SLMAP: variants seen among roughly 807,000 people sequenced by gnomAD.
The protein encoded by SLMAP is sarcolemma associated protein.
SLMAP carries 44 observed loss-of-function variants against 128.8 expected under a neutral mutation model. That is an observed-to-expected ratio of 0.34 (90% CI 0.27 to 0.44). The LOEUF is 0.44. SLMAP is among the 20% of genes least tolerant of loss of function. The probability of loss-of-function intolerance (pLI) is 1.00; values close to 1 mark genes in which losing one functional copy is unlikely to be tolerated. For missense variants in SLMAP, 787 were observed against 985.3 expected (o/e 0.80, Z 2.69); for synonymous variants, 327 against 348.8 (o/e 0.94, Z 0.70).
intron 2 of SLMAP, among the ~76,000 whole-genome samples, chr3:57,816,583 A>G (rs1457377609): frequency 6.6e-6 from 1 of 152,208 alleles, no homozygotes; most frequent in East Asian, 1.9e-4. Context: ...TTGCTTCTAC[A>G]TTTAAAGAAG....
At chr3:57,868,441 A>C (rs1255797997) in intron 13 of SLMAP, among the ~76,000 whole-genome samples, 1 of 150,476 alleles carries the variant, frequency 6.6e-6, no homozygotes, top group Non-Finnish European at 1.5e-5. Flanking sequence ...TTTTTTTTAA[A>C]TTAGTGAGGT....
Position 57,847,226 on chromosome 3 carries a change from T to C in SLMAP, c.449T>C (p.Val150Ala), listed in dbSNP as rs1387070533. The part of the protein sequence containing the change: ...DVIHAPLPSP[V>A]DKVAANTPSM... Reference sequence around the variant, plus strand: ...ATCCATGCACCATTACCAAGTCCTGTTGACAAAGTAAGTTGCTAATGATTA... The same window carrying C: ...ATCCATGCACCATTACCAAGTCCTGCTGACAAAGTAAGTTGCTAATGATTA... The change falls in exon 5 of 25, where the codon GTT (valine) becomes GCT (alanine). Residue 150 changes from valine to alanine, a missense_variant. Val to Ala is a moderately conservative substitution (Grantham distance 64, BLOSUM62 0). Around this residue, in one of 2 missense-constraint regions of SLMAP, gnomAD observed 715 missense variants for 843.6 expected, o/e 0.85. Transcript: ENST00000671191. 1 of 1,609,718 alleles carries C rather than the reference T, an allele frequency of 6.2e-7. No individual in the cohort carries two copies. Among genetic ancestry groups the C allele is most frequent in the Admixed American group, 1.7e-5 (1 of 59,692 alleles).
rs538470432 is a variant in SLMAP, at chr3:57,818,304, C to T, written c.199-13079C>T. Reference sequence around the variant, plus strand: ...CCTAGTAGCTGGGATTACAGGCATGCGCCACCACACCCAGCTAATTTTGTG... The same window carrying T: ...CCTAGTAGCTGGGATTACAGGCATGTGCCACCACACCCAGCTAATTTTGTG... On this transcript the variant is annotated intron_variant, in intron 2 of 24. Transcript: ENST00000671191. Among the ~76,000 whole-genome samples, 439 of 152,184 alleles carry T rather than the reference C, an allele frequency of 2.9e-3. 3 individuals are homozygous for T. The highest frequency in any genetic ancestry group is 9.2e-3 in the African/African-American group (382 of 41,514).
At chr3:57,824,538 C>G (rs2092776332) in intron 2 of SLMAP, among the ~76,000 whole-genome samples, 1 of 152,094 alleles carries the variant, frequency 6.6e-6, no homozygotes, top group African/African-American at 2.4e-5. Flanking sequence ...ATTGAATGGA[C>G]TTTGAAAATC....
chr3:57,855,326 C>T (rs914463181), intron 6 of SLMAP, among the ~76,000 whole-genome samples: 3 of 151,036 alleles, frequency 2.0e-5, no homozygotes, highest in African/African-American at 4.9e-5. Flanking sequence ...TGCAGTAAGC[C>T]GAGATCACAC....
intron 2 of SLMAP, chr3:57,800,617 C>T (rs1227573178): frequency 6.5e-6 from 1 of 152,892 alleles, no homozygotes. Context: ...TCTGCAGCTT[C>T]ATCAGTATGG....
At chr3:57,848,559 T>C (rs936797367) in intron 5 of SLMAP, among the ~76,000 whole-genome samples, 1 of 143,054 alleles carries the variant, frequency 7.0e-6, no homozygotes. Context: ...CCTCCCTCCT[T>C]CTCCTTTTTC....
At chr3:57,798,667 G>A (rs2087391384) in intron 2 of SLMAP, among the ~76,000 whole-genome samples, 1 of 152,170 alleles carries the variant, frequency 6.6e-6, no homozygotes, top group Non-Finnish European at 1.5e-5. Context: ...TTGATGCATA[G>A]ATGTTATTTA....
intron 2 of SLMAP, among the ~76,000 whole-genome samples, chr3:57,768,009 A>G (rs926594923): frequency 2.0e-5 from 3 of 152,212 alleles, no homozygotes; most frequent in African/African-American, 7.2e-5. Context: ...CTAGAAATAC[A>G]ATATTTTTTC....
intron 2 of SLMAP, among the ~76,000 whole-genome samples, chr3:57,765,970 GC>G (rs1257874489): frequency 6.7e-6 from 1 of 148,750 alleles, no homozygotes; most frequent in Non-Finnish European, 1.5e-5. Flanking sequence ...TTCACTCTTT[GC>G]CCTTTTAGGC....
At chr3:57,836,430 C>T (rs948280875) in intron 3 of SLMAP, among the ~76,000 whole-genome samples, 4 of 152,082 alleles carry the variant, frequency 2.6e-5, no homozygotes, top group Non-Finnish European at 5.9e-5. Flanking sequence ...GTAACATGAG[C>T]CTAATACCAC....
chr3:57,828,827 T>G (rs1478411651), intron 2 of SLMAP, among the ~76,000 whole-genome samples: 1 of 152,134 alleles, frequency 6.6e-6, no homozygotes, highest in East Asian at 1.9e-4. Context: ...TTGCTCAGGC[T>G]GGAGTATAGT....
chr3:57,792,715 TA>T (rs976473663), intron 2 of SLMAP, among the ~76,000 whole-genome samples: 2 of 152,100 alleles, frequency 1.3e-5, no homozygotes, highest in African/African-American at 2.4e-5. Context: ...ATATTGACAG[TA>T]AAAAATATGG....
At chr3:57,848,251 T>TCTC (rs1165395635) in intron 5 of SLMAP, among the ~76,000 whole-genome samples, 11 of 149,728 alleles carry the variant, frequency 7.3e-5, no homozygotes, top group South Asian at 4.3e-4. Flanking sequence ...TTCTCCTTCT[T>TCTC]CTCCTCCTCC....
intron 19 of SLMAP, among the ~76,000 whole-genome samples, chr3:57,911,002 T>C (rs928388481): frequency 6.6e-6 from 1 of 152,218 alleles, no homozygotes; most frequent in Non-Finnish European, 1.5e-5. Flanking sequence ...GTATGTCATA[T>C]GTGTTTTTAA....
At chr3:57,848,297 C>T (rs932922617) in intron 5 of SLMAP, among the ~76,000 whole-genome samples, 3 of 149,200 alleles carry the variant, frequency 2.0e-5, no homozygotes, top group Admixed American at 1.3e-4. Context: ...CCTCTTTCTC[C>T]TCCTCCTTCT....
intron 2 of SLMAP, among the ~76,000 whole-genome samples, chr3:57,830,192 A>C: frequency 6.6e-6 from 1 of 151,918 alleles, no homozygotes; most frequent in Non-Finnish European, 1.5e-5. Flanking sequence ...GTGCCACCAC[A>C]CCACCATACA....
chr3:57,762,300 C>T (rs534521711), intron 2 of SLMAP, among the ~76,000 whole-genome samples: 19 of 150,958 alleles, frequency 1.3e-4, no homozygotes, highest in Admixed American at 1.1e-3. Context: ...ACCCGGGAGG[C>T]GGAGGTTGCA....
chr3:57,803,001 AGTG>A (rs140227759), intron 2 of SLMAP, among the ~76,000 whole-genome samples: 2,138 of 152,314 alleles, frequency 0.014, 55 homozygotes, highest in African/African-American at 0.049. Context: ...GTTAAAGTGC[AGTG>A]ATTGGAGCAG....
Sources: gnomAD v4.1 joint callset for allele counts (sites outside exome capture counted in the v4.1 genomes callset) on GRCh38, gnomAD v4.1.1 for gene constraint, gnomAD v4.1.1 regional missense constraint, MANE v1.5 for transcripts, NCBI Gene and HGNC (gene_info 2026-07-23, HGNC 2026-07-21) for gene names.